TAFAZZIN: variants seen among roughly 807,000 people sequenced by gnomAD.
TAFAZZIN encodes the protein protein G4.5.
A neutral mutation model predicts 27.3 loss-of-function variants in TAFAZZIN; 6 were observed. That is an observed-to-expected ratio of 0.22 (90% CI 0.12 to 0.43). The LOEUF (loss-of-function observed/expected upper bound fraction) is 0.43, where lower values mean the gene tolerates loss of function less well. Among genes scored for constraint, TAFAZZIN ranks in the 20% least tolerant of loss-of-function variants. The pLI is 1.00. For synonymous variants in TAFAZZIN, 79 were observed against 96.2 expected (o/e 0.82, Z 1.04); for missense variants, 127 against 244.5 (o/e 0.52, Z 3.21).
intron 5 of TAFAZZIN, among the ~76,000 whole-genome samples, chrX:154,414,396 A>G (rs1569552761): frequency 8.9e-6 from 1 of 112,897 alleles, no homozygotes; most frequent in Non-Finnish European, 1.9e-5. Context: ...AATCCTATTA[A>G]GAATTTTGGA....
At chrX:154,420,184 G>A (rs369140616) in intron 8 of TAFAZZIN, 28 bp from the exon 9 acceptor site, 21 of 1,209,626 alleles carry the variant, frequency 1.7e-5, no homozygotes, top group Middle Eastern at 2.3e-4. Context: ...TCCACCCCAC[G>A]TCTGGCCTTC....
chrX:154,412,055 C>G lies in TAFAZZIN; in HGVS notation c.110-31C>G, dbSNP rs1557191007. The G allele has an allele frequency of 8.3e-6, 10 of 1,207,481 alleles. No individual in the cohort carries two copies. In the South Asian group the frequency reaches 1.2e-4, roughly 15 times the overall value. On this transcript the variant is annotated intron_variant, in intron 1 of 10. Coordinates refer to ENST00000601016, the MANE Select transcript of TAFAZZIN (RefSeq NM_000116.5). ...CGCGGCCCCGACCTAGCGGGCGAGCCCGGAGCGCCTGACTTCTCCTTCCCC... is the reference window on the plus strand; with the variant it reads ...CGCGGCCCCGACCTAGCGGGCGAGCGCGGAGCGCCTGACTTCTCCTTCCCC...
Position 154,411,739 on chromosome X carries a change from G to T in TAFAZZIN, c.-105G>T. On this transcript the variant is annotated 5_prime_UTR_variant, in exon 1 of 11. Coordinates refer to ENST00000601016, the MANE Select transcript of TAFAZZIN (RefSeq NM_000116.5). The stretch of plus-strand genomic sequence containing the variant: ...GCCGCGCCCCCGTCCGTCCGTGCGC[G>T]GGCCAGTCAGGGGCCAGTGTCTCGA... 2.6e-6 allele frequency: 2 copies of T among 779,178 alleles called. No homozygotes were observed. The highest frequency in any genetic ancestry group is 3.8e-6 in the Non-Finnish European group (2 of 533,090). 64.2% of individuals were successfully genotyped at this position (779,178 alleles called of 1,213,427 possible).
rs782349003 is a variant in TAFAZZIN, at chrX:154,421,715, C to A, written c.*711C>A. The A allele has an allele frequency of 3.7e-5, 12 of 328,223 alleles. No individual in the cohort carries two copies. The highest frequency in any genetic ancestry group is 6.5e-5 in the Non-Finnish European group (11 of 169,832). The allele number at this position is 328,223 out of a possible 1,213,427, so 27.0% of individuals were successfully genotyped here. A position where few individuals can be genotyped will look rare whatever the true frequency, so the allele number is the denominator to read the frequency against. On this transcript the variant is annotated 3_prime_UTR_variant, in exon 11 of 11. Coordinates refer to ENST00000601016, the MANE Select transcript of TAFAZZIN (RefSeq NM_000116.5). ...CAGAACCATAAAGCATATGTGTTGG[C>A]TTGTTGTAAAATGTCTCTGGCCTCT...
chrX:154,419,516 T>C (rs1271958506), intron 5 of TAFAZZIN, 27 bp from the exon 6 acceptor site: 2 of 1,204,945 alleles, frequency 1.7e-6, no homozygotes, highest in African/African-American at 3.5e-5. Flanking sequence ...GAATGGTTAC[T>C]GATAGGGAGA....
chrX:154,413,042 G>A, intron 2 of TAFAZZIN, 165 bp from the exon 3 acceptor site: 8 of 627,591 alleles, frequency 1.3e-5, no homozygotes, highest in Non-Finnish European at 2.1e-5. Flanking sequence ...GGAGAGGGAG[G>A]AGCCAGGGAG....
chrX:154,412,075 T>C lies in TAFAZZIN; in HGVS notation c.110-11T>C. 4 of 1,210,039 alleles carry C rather than the reference T, an allele frequency of 3.3e-6. No homozygotes were observed. Among genetic ancestry groups the C allele is most frequent in the Non-Finnish European group, 4.5e-6 (4 of 894,799 alleles). ...CGAGCCCGGAGCGCCTGACTTCTCC[T>C]TCCCCGCCAGAGTACATGAACCACC... On this transcript the variant is annotated splice_polypyrimidine_tract_variant and intron_variant, in intron 1 of 10. Coordinates refer to ENST00000601016, the MANE Select transcript of TAFAZZIN (RefSeq NM_000116.5).
chrX:154,411,871 C>T lies in TAFAZZIN; in HGVS notation c.28C>T (p.Pro10Ser), dbSNP rs782316788. MPLHVKWPF[P>S]AVPPLTWTLA... ...GCCTCTGCACGTGAAGTGGCCGTTCCCCGCGGTGCCGCCGCTCACCTGGAC... is the reference window on the plus strand; with the variant it reads ...GCCTCTGCACGTGAAGTGGCCGTTCTCCGCGGTGCCGCCGCTCACCTGGAC... Residue 10 changes from proline to serine, a missense_variant, in exon 1 of 11, where the codon CCC (proline) becomes TCC (serine). This residue lies in a region of TAFAZZIN where 17 missense variants were observed against 16.2 expected (regional missense o/e 1.05). Transcript: ENST00000601016. The T allele has an allele frequency of 2.5e-6, 3 of 1,203,401 alleles. No homozygotes were observed. The highest frequency in any genetic ancestry group is 2.2e-5 in the Admixed American group (1 of 45,712).
rs1375774000 is a variant in TAFAZZIN, at chrX:154,421,332, G to A, written c.*328G>A. 2 of 398,964 alleles carry A rather than the reference G, an allele frequency of 5.0e-6. No individual in the cohort carries two copies. The highest frequency in any genetic ancestry group is 9.3e-6 in the Non-Finnish European group (2 of 215,054). 32.9% of individuals were successfully genotyped at this position (398,964 alleles called of 1,213,427 possible). The stretch of plus-strand genomic sequence containing the variant: ...GCAACCAGTTGGCTAGGGGAGCAGG[G>A]GGCCCACCAGAGCTGTGGAGAGGGG... On this transcript the variant is annotated 3_prime_UTR_variant, in exon 11 of 11. Transcript: ENST00000601016.
intron 2 of TAFAZZIN, chrX:154,413,004 C>T: frequency 2.0e-6 from 1 of 494,378 alleles, no homozygotes. Flanking sequence ...AGTCCAGGTG[C>T]AGTGATTAGT....
chrX:154,419,842 G>C (rs2068578191), intron 7 of TAFAZZIN, 96 bp downstream of exon 7: 1 of 1,135,803 alleles, frequency 8.8e-7, no homozygotes, highest in Non-Finnish European at 1.2e-6. Flanking sequence ...GCTTGTATGG[G>C]GGTAGATGGG....
chrX:154,421,015 CTG>C lies in TAFAZZIN; in HGVS notation c.*12_*13del, dbSNP rs1392458248. 4 of 1,195,122 alleles carry C rather than the reference CTG, an allele frequency of 3.3e-6. No homozygotes were observed. Among genetic ancestry groups the C allele is most frequent in the Non-Finnish European group, 4.5e-6 (4 of 881,730 alleles). ...CAGCCTGGGAGATAGGCCTTGCTTG[CTG>C]CCTTCTGGATTCTTGGCCCGCACAG... On this transcript the variant is annotated 3_prime_UTR_variant, in exon 11 of 11. Transcript: ENST00000601016.
rs144283894 is a variant in TAFAZZIN, at chrX:154,421,400, C to T, written c.*396C>T. ...CCTGGCTCCTACCCACCGCCCTTGCCGAACCAGGAGCTGCTCACTACCTCC... is the reference window on the plus strand; with the variant it reads ...CCTGGCTCCTACCCACCGCCCTTGCTGAACCAGGAGCTGCTCACTACCTCC... On this transcript the variant is annotated 3_prime_UTR_variant, in exon 11 of 11. Coordinates refer to ENST00000601016, the MANE Select transcript of TAFAZZIN (RefSeq NM_000116.5). 184 of 347,608 alleles carry T rather than the reference C, an allele frequency of 5.3e-4. 2 individuals are homozygous for T. In the East Asian group the frequency reaches 0.014, roughly 27 times the overall value. 28.6% of individuals were successfully genotyped at this position (347,608 alleles called of 1,213,427 possible).
Position 154,420,105 on chromosome X carries a change from G to A in TAFAZZIN, c.646+11G>A. 8.3e-7 allele frequency: 1 copy of A among 1,211,991 alleles called. No individual in the cohort carries two copies. The highest frequency in any genetic ancestry group is 1.1e-6 in the Non-Finnish European group (1 of 895,406). ...CCCTGTGGCATGTCGGTGAGCCTGG[G>A]GACGGGGACAGAGAGATGGCATCTG... On this transcript the variant is annotated intron_variant, in intron 8 of 10. Transcript: ENST00000601016.
intron 5 of TAFAZZIN, among the ~76,000 whole-genome samples, chrX:154,417,589 TA>T (rs2148206483): frequency 8.9e-6 from 1 of 112,588 alleles, no homozygotes; most frequent in Non-Finnish European, 1.9e-5. Context: ...TAGAATGTGG[TA>T]AAACCCAATA....
intron 5 of TAFAZZIN, among the ~76,000 whole-genome samples, chrX:154,415,753 C>T (rs113414430): frequency 1.7e-4 from 18 of 107,117 alleles, no homozygotes; most frequent in East Asian, 8.9e-4. Flanking sequence ...TGGTGGCGCA[C>T]GCCTGTAATC....
In TAFAZZIN at chrX:154,411,945, C is replaced by T; in HGVS notation, c.102C>T (p.Phe34=). ...GCTTGGTGGGCACCTACAGCTGCTT[C>T]TGGACCAGTGAGTGGGCCCAGGCCG... ...VMGLVGTYSC[F]WTKYMNHLTV... The change falls in exon 1 of 11, where the codon TTC becomes TTT. Residue 34 remains phenylalanine, a synonymous_variant. Coordinates refer to ENST00000601016, the MANE Select transcript of TAFAZZIN (RefSeq NM_000116.5). 1 of 1,206,841 alleles carries T rather than the reference C, an allele frequency of 8.3e-7. No homozygotes were observed. Among genetic ancestry groups the T allele is most frequent in the African/African-American group, 1.7e-5 (1 of 57,908 alleles).
chrX:154,420,376 C>T lies in TAFAZZIN; in HGVS notation c.699+112C>T, dbSNP rs2068595308. 7.4e-6 allele frequency: 7 copies of T among 949,661 alleles called. No individual in the cohort carries two copies. In the Admixed American group the frequency reaches 1.3e-4, roughly 18 times the overall value. The allele number at this position is 949,661 out of a possible 1,213,427, so 78.3% of individuals were successfully genotyped here. ...GGAGGAGCTGAGCATGAGGCTACAG[C>T]AGGGGACAGAGTGGAACATAGACAG... On this transcript the variant is annotated intron_variant, in intron 9 of 10. Transcript: ENST00000601016.
At chrX:154,415,563 G>C (rs186783313) in intron 5 of TAFAZZIN, among the ~76,000 whole-genome samples, 273 of 111,466 alleles carry the variant, frequency 2.4e-3, no homozygotes, top group Middle Eastern at 4.6e-3. Flanking sequence ...TACATACATA[G>C]ATAGATAAGA....
Sources: gnomAD v4.1 joint callset for allele counts (sites outside exome capture counted in the v4.1 genomes callset) on GRCh38, gnomAD v4.1.1 for gene constraint, gnomAD v4.1.1 regional missense constraint, MANE v1.5 for transcripts, NCBI Gene and HGNC (gene_info 2026-07-23, HGNC 2026-07-21) for gene names.